ZNF75A: variants seen among roughly 807,000 people sequenced by gnomAD.
ZNF75A encodes zinc finger protein 75A.
ZNF75A carries 36 observed loss-of-function variants against 46.3 expected under a neutral mutation model. The observed-to-expected ratio is 0.78, with a 90% confidence interval of 0.60 to 1.03. The LOEUF is 1.03. ZNF75A is among the 50% of genes least tolerant of loss of function. The pLI is 0.00. For synonymous variants in ZNF75A, 234 were observed against 189.9 expected, an observed-to-expected ratio of 1.23 and a Z score of -1.91; for missense variants, 595 against 551.3, an observed-to-expected ratio of 1.08 and a Z score of -0.79.
In ZNF75A at chr16:3,308,519, G is replaced by A. The variant is rs369027912; in HGVS notation, c.91G>A (p.Gly31Ser). The change falls in exon 2 of 7, where the codon GGT becomes AGT. Residue 31 changes from glycine (G) to serine (S), a missense_variant. Transcript: ENST00000669516. ...ETKGPARESS[G>S]QSKKSPQMDC... is the part of the protein sequence containing the mutation. ...CAAGGGGCCTGCAAGAGAGAGCTCC[G>A]GTCAGAGTAAAAAATCTCCTCAAAT... The A allele has an allele frequency of 5.9e-5, 58 of 985,820 alleles. No homozygotes were observed. In the East Asian group the frequency reaches 9.1e-4, roughly 15 times the overall value. 61.1% of individuals were successfully genotyped at this position (985,820 alleles called of 1,614,324 possible).
chr16:3,311,828 C>G lies in ZNF75A; in HGVS notation c.484C>G (p.Pro162Ala). The G allele has an allele frequency of 1.9e-6, 2 of 1,047,216 alleles. No homozygotes were observed. Among genetic ancestry groups the G allele is most frequent in the Non-Finnish European group, 2.3e-6 (2 of 861,710 alleles). The allele number at this position is 1,047,216 out of a possible 1,614,324, so 64.9% of individuals were successfully genotyped here. Residue 162 changes from proline to alanine, a missense_variant, in exon 3 of 7, where the codon CCA becomes GCA. Transcript: ENST00000669516. ...TAEASSFGLK[P>A]TESQPVGVSQ... ...AGAGGCCTCAAGTTTCGGGCTGAAG[C>G]CAACAGAGTCCCAACCAGTGGGCGT... is the stretch of plus-strand genomic sequence containing the variant.
Position 3,317,885 on chromosome 16 carries a change from G to A in ZNF75A, c.*16G>A. Reference sequence around the variant, plus strand: ...CCACCTGTGAAGAGAAGCTTGTCCAGTGTCCTCATTCTGAAGACATTCACC... The same window carrying A: ...CCACCTGTGAAGAGAAGCTTGTCCAATGTCCTCATTCTGAAGACATTCACC... On this transcript the variant is annotated 3_prime_UTR_variant, in exon 7 of 7. Coordinates refer to ENST00000669516, the MANE Select transcript of ZNF75A (RefSeq NM_001302109.2). 6.4e-7 allele frequency: 1 copy of A among 1,573,450 alleles called. No individual in the cohort carries two copies. Among genetic ancestry groups the A allele is most frequent in the Non-Finnish European group, 8.6e-7 (1 of 1,160,294 alleles).
chr16:3,307,325 T>C (rs1265314159), intron 1 of ZNF75A: 2 of 152,236 alleles, frequency 1.3e-5, no homozygotes, highest in African/African-American at 4.8e-5. Context: ...TAAGGTATCA[T>C]AGCTATGTAT....
At chr16:3,322,245 A>G (rs918373108), downstream of ZNF75A, among the ~76,000 whole-genome samples, 1 of 152,020 alleles carries the variant, frequency 6.6e-6, no homozygotes, top group Non-Finnish European at 1.5e-5. Flanking sequence ...CCCAAACAAA[A>G]AGCATACTTT....
chr16:3,319,195 C>A (rs1026458931), downstream of ZNF75A, among the ~76,000 whole-genome samples: 1 of 152,112 alleles, frequency 6.6e-6, no homozygotes, highest in African/African-American at 2.4e-5. Flanking sequence ...CTCATTGCAT[C>A]CTCCACCTCC....
At chr16:3,316,870 G>A (rs377325279) in intron 5 of ZNF75A, 42 bp from the exon 6 acceptor site, 42 of 1,407,732 alleles carry the variant, frequency 3.0e-5, no homozygotes, top group Non-Finnish European at 4.1e-5. Flanking sequence ...CCAGTTCACT[G>A]TTAAGTTACC....
chr16:3,314,014 A>G (rs1961007230), intron 5 of ZNF75A, among the ~76,000 whole-genome samples: 1 of 152,128 alleles, frequency 6.6e-6, no homozygotes, highest in Non-Finnish European at 1.5e-5. Flanking sequence ...GAGTACATCT[A>G]AGTTTTGCTC....
chr16:3,306,232 A>G (rs1960221663), intron 1 of ZNF75A: 1 of 152,182 alleles, frequency 6.6e-6, no homozygotes, highest in Admixed American at 6.5e-5. Context: ...CTTTGGAGAA[A>G]TACAAAGTCA....
chr16:3,317,911 A>C lies in ZNF75A; in HGVS notation c.*42A>C, dbSNP rs758741691. ...TGTCCTCATTCTGAAGACATTCACC[A>C]AATGGAGCTTGGCACTAAAATTTAT... On this transcript the variant is annotated 3_prime_UTR_variant, in exon 7 of 7. Coordinates refer to ENST00000669516, the MANE Select transcript of ZNF75A (RefSeq NM_001302109.2). 1.0e-5 allele frequency: 16 copies of C among 1,524,248 alleles called. No homozygotes were observed. The highest frequency in any genetic ancestry group is 1.3e-5 in the Non-Finnish European group (15 of 1,137,564). 94.4% of individuals were successfully genotyped at this position (1,524,248 alleles called of 1,614,324 possible).
downstream of ZNF75A, among the ~76,000 whole-genome samples, chr16:3,322,176 T>A (rs953820721): frequency 3.3e-5 from 5 of 152,194 alleles, no homozygotes; most frequent in Non-Finnish European, 7.3e-5. Flanking sequence ...TCCCCTCAAG[T>A]GGGAAACAAA....
rs1212680488 is a variant in ZNF75A, at chr16:3,308,290, ACTTTT to A, written c.-116-17_-116-13del. ...TCATGTGAGTTTCTTATTGATACATACTTTTCTTTTTCTTGTCCTCAGTGCTTTTA... is the reference window on the plus strand; with the variant it reads ...TCATGTGAGTTTCTTATTGATACATACTTTTTCTTGTCCTCAGTGCTTTTA... On this transcript the variant is annotated intron_variant, in intron 1 of 6. Coordinates refer to ENST00000669516, the MANE Select transcript of ZNF75A (RefSeq NM_001302109.2). 2 of 438,138 alleles carry A rather than the reference ACTTTT, an allele frequency of 4.6e-6. No homozygotes were observed. The highest frequency in any genetic ancestry group is 2.1e-5 in the African/African-American group (1 of 46,774). The allele number at this position is 438,138 out of a possible 1,614,324, so 27.1% of individuals were successfully genotyped here.
In ZNF75A at chr16:3,312,567, C is replaced by T. The variant is rs900895164; in HGVS notation, c.605-110C>T. On this transcript the variant is annotated intron_variant, in intron 3 of 6. Coordinates refer to ENST00000669516, the MANE Select transcript of ZNF75A (RefSeq NM_001302109.2). Reference sequence around the variant, plus strand: ...TGCTTCAGGCATCACACACACCACACGTGTAAAGGTGTCCCATCTGTACTT... The same window carrying T: ...TGCTTCAGGCATCACACACACCACATGTGTAAAGGTGTCCCATCTGTACTT... 11 of 234,180 alleles carry T rather than the reference C, an allele frequency of 4.7e-5. 1 individual carries two copies. The highest frequency in any genetic ancestry group is 2.6e-4 in the African/African-American group (11 of 43,010). 14.5% of individuals were successfully genotyped at this position (234,180 alleles called of 1,614,324 possible). A position where few individuals can be genotyped will look rare whatever the true frequency, so the allele number is the denominator to read the frequency against.
chr16:3,315,218 G>A (rs1247314834), intron 5 of ZNF75A: 1 of 390,118 alleles, frequency 2.6e-6, no homozygotes, highest in African/African-American at 2.3e-5. Flanking sequence ...TTGAGATGGA[G>A]CCTCGCTCTG....
chr16:3,308,250 C>A, intron 1 of ZNF75A, 63 bp from the exon 2 acceptor site: 1 of 202,210 alleles, frequency 4.9e-6, no homozygotes, highest in Non-Finnish European at 8.8e-6. Flanking sequence ...TCTCATAAGT[C>A]GCAAGTGATG....
Position 3,312,743 on chromosome 16 carries a change from C to G in ZNF75A, c.671C>G (p.Pro224Arg). ...AACACCAAAGACTGGACAGTGACACCTGAGCACGTCTTGCCTGAGTCCCAG... is the reference window on the plus strand; with the variant it reads ...AACACCAAAGACTGGACAGTGACACGTGAGCACGTCTTGCCTGAGTCCCAG... Reference protein sequence around the residue: ...QTNTKDWTVTPEHVLPESQSL... With the variant: ...QTNTKDWTVTREHVLPESQSL... The change falls in exon 4 of 7, where the codon CCT becomes CGT. Residue 224 changes from proline (P) to arginine (R), a missense_variant. Transcript: ENST00000669516. The G allele has an allele frequency of 9.4e-7, 1 of 1,058,928 alleles. No individual in the cohort carries two copies. Among genetic ancestry groups the G allele is most frequent in the Non-Finnish European group, 1.1e-6 (1 of 876,546 alleles). 65.6% of individuals were successfully genotyped at this position (1,058,928 alleles called of 1,614,324 possible).
intron 5 of ZNF75A, chr16:3,315,935 C>G (rs1352066253): frequency 6.6e-6 from 1 of 152,228 alleles, no homozygotes; most frequent in Non-Finnish European, 1.5e-5. Context: ...CACTGGTTGT[C>G]TTTCTGTTAC....
intron 2 of ZNF75A, chr16:3,310,661 G>A (rs1960697327): frequency 2.0e-6 from 2 of 985,456 alleles, no homozygotes; most frequent in Non-Finnish European, 2.4e-6. Context: ...AACAACTAGG[G>A]GAAGACTGCA....
Position 3,317,484 on chromosome 16 carries a change from C to T in ZNF75A, c.1229C>T (p.Thr410Ile). 6.2e-7 allele frequency: 1 copy of T among 1,614,004 alleles called. No individual in the cohort carries two copies. The highest frequency in any genetic ancestry group is 8.5e-7 in the Non-Finnish European group (1 of 1,179,972). ...TTTAAATGTCAGGAATGTGGGAAAA[C>T]CTTCAGAGTTAGCTCTGACCTTATT... ...KPFKCQECGK[T>I]FRVSSDLIKH... The change falls in exon 7 of 7, where the codon ACC becomes ATC. Residue 410 changes from threonine to isoleucine, a missense_variant. Transcript: ENST00000669516.
In ZNF75A at chr16:3,317,036, G is replaced by T; in HGVS notation, c.934+14G>T. ...AATCTCCTACAGGTAAATATACCATGGGAAGTGGAGAAATGTGCCTTGATG... is the reference window on the plus strand; with the variant it reads ...AATCTCCTACAGGTAAATATACCATTGGAAGTGGAGAAATGTGCCTTGATG... On this transcript the variant is annotated intron_variant, in intron 6 of 6. Transcript: ENST00000669516. 1 of 1,603,262 alleles carries T rather than the reference G, an allele frequency of 6.2e-7. No individual in the cohort carries two copies. The highest frequency in any genetic ancestry group is 8.5e-7 in the Non-Finnish European group (1 of 1,172,048).
Sources: gnomAD v4.1 joint callset for allele counts (sites outside exome capture counted in the v4.1 genomes callset) on GRCh38, gnomAD v4.1.1 for gene constraint, MANE v1.5 for transcripts, NCBI Gene and HGNC (gene_info 2026-07-23, HGNC 2026-07-21) for gene names.